The following SHISAL2A variants were observed in gnomAD, a reference collection of about 807,000 sequenced individuals.
SHISAL2A encodes the protein shisa like 2A, also known as protein shisa-like-2A.
A neutral mutation model predicts 11.5 loss-of-function variants in SHISAL2A; 18 were observed. The ratio of observed to expected loss-of-function variants is 1.57; its 90% CI spans 1.08 to 2.33. The LOEUF is 2.33. Ranked by LOEUF, SHISAL2A falls within the 30% of genes most tolerant of loss-of-function variation. The pLI is 0.00. For synonymous variants in SHISAL2A, 94 were observed against 99.6 expected (o/e 0.94, Z 0.34); for missense variants, 261 against 250.9 (o/e 1.04, Z -0.27).
intron 2 of SHISAL2A, among the ~76,000 whole-genome samples, chr1:52,645,177 A>C (rs901481989): frequency 1.3e-5 from 2 of 152,208 alleles, no homozygotes; most frequent in Non-Finnish European, 2.9e-5. Flanking sequence ...ATAAAAATAC[A>C]ACAAGCAACA....
intron 1 of SHISAL2A, among the ~76,000 whole-genome samples, chr1:52,637,818 C>T (rs523451): frequency 0.24 from 35,895 of 152,080 alleles, 7,092 homozygotes; most frequent in African/African-American, 0.51. Context: ...GTTAGATTGT[C>T]CCTCCAATTC....
At chr1:52,646,998 TTTTTTTTGTA>T (rs1426945571) in intron 2 of SHISAL2A, among the ~76,000 whole-genome samples, 1 of 151,864 alleles carries the variant, frequency 6.6e-6, no homozygotes, top group Non-Finnish European at 1.5e-5. Flanking sequence ...CCCAGCTAAT[TTTTTTTTGTA>T]TTTTTAGTAG....
intron 2 of SHISAL2A, 83 bp downstream of exon 2, chr1:52,643,085 G>A: frequency 7.1e-7 from 1 of 1,406,350 alleles, no homozygotes; most frequent in Non-Finnish European, 9.9e-7. Context: ...ATGATGTTTG[G>A]AACATTTGCC....
intron 2 of SHISAL2A, among the ~76,000 whole-genome samples, chr1:52,652,861 G>T (rs2149887960): frequency 6.7e-6 from 1 of 149,496 alleles, no homozygotes; most frequent in Non-Finnish European, 1.5e-5. Flanking sequence ...AGCTACTCGG[G>T]AGGCTGAGGC....
At chr1:52,654,002 G>T (rs569305554) in intron 2 of SHISAL2A, among the ~76,000 whole-genome samples, 3 of 152,294 alleles carry the variant, frequency 2.0e-5, no homozygotes, top group African/African-American at 7.2e-5. Flanking sequence ...TTGAGCCAAG[G>T]TCTTGTAACT....
At chr1:52,637,504 A>G (rs1691263383) in intron 1 of SHISAL2A, among the ~76,000 whole-genome samples, 1 of 152,160 alleles carries the variant, frequency 6.6e-6, no homozygotes, top group Admixed American at 6.5e-5. Context: ...GGAAGTGAAG[A>G]CACCCTGTGG....
chr1:52,656,893 G>A lies in SHISAL2A; in HGVS notation c.426G>A (p.Pro142=), dbSNP rs749422484. 9.9e-6 allele frequency: 16 copies of A among 1,614,052 alleles called. No homozygotes were observed. The highest frequency in any genetic ancestry group is 1.1e-5 in the Non-Finnish European group (13 of 1,180,042). The part of the protein sequence containing the change: ...PLQQSYSCLN[P]QLESNEGQAV... ...AGCAGAGTTACTCCTGCTTGAACCC[G>A]CAGCTGGAGAGCAATGAGGGGCAGG... Residue 142 remains proline, a synonymous_variant, in exon 3 of 3, where the codon CCG becomes CCA. Coordinates refer to ENST00000517870, the MANE Select transcript of SHISAL2A (RefSeq NM_001042693.3).
intron 2 of SHISAL2A, among the ~76,000 whole-genome samples, chr1:52,655,665 C>G (rs1195871740): frequency 6.6e-6 from 1 of 151,844 alleles, no homozygotes; most frequent in Non-Finnish European, 1.5e-5. Context: ...ATATAGGTGG[C>G]AAATAGGCAC....
rs369938276 is a variant in SHISAL2A at position 52,654,266 on chromosome 1, T to C, written c.323-2524T>C. Among the ~76,000 whole-genome samples the C allele has an allele frequency of 9.4e-3, 952 of 101,272 alleles. 12 individuals are homozygous for C. The highest frequency in any genetic ancestry group is 0.023 in the Middle Eastern group (4 of 176). 66.4% of individuals were successfully genotyped at this position (101,272 alleles called of 152,430 possible). On this transcript the variant is annotated intron_variant, in intron 2 of 2. Coordinates refer to ENST00000517870, the MANE Select transcript of SHISAL2A (RefSeq NM_001042693.3). ...ATAGATAGATAGATAGATAGACAGA[T>C]AGATAGATAGATAGATAAGCTAATT... is the stretch of plus-strand genomic sequence containing the variant.
intron 1 of SHISAL2A, among the ~76,000 whole-genome samples, chr1:52,637,469 T>C (rs1347819401): frequency 6.6e-6 from 1 of 152,210 alleles, no homozygotes; most frequent in Non-Finnish European, 1.5e-5. Flanking sequence ...TCAAGGAGAA[T>C]TGCTATCTTT....
chr1:52,645,857 T>C (rs1691489325), intron 2 of SHISAL2A, among the ~76,000 whole-genome samples: 1 of 152,250 alleles, frequency 6.6e-6, no homozygotes, highest in African/African-American at 2.4e-5. Flanking sequence ...TAAAAATGTT[T>C]CATGGAATTT....
chr1:52,639,480 G>C (rs568162412), intron 1 of SHISAL2A, among the ~76,000 whole-genome samples: 2 of 152,126 alleles, frequency 1.3e-5, no homozygotes, highest in Non-Finnish European at 2.9e-5. Flanking sequence ...TAGGCTGGGC[G>C]TGGTAGCTTA....
At chr1:52,634,065 G>T (rs564372363) in intron 1 of SHISAL2A, among the ~76,000 whole-genome samples, 1 of 151,834 alleles carries the variant, frequency 6.6e-6, no homozygotes, top group Non-Finnish European at 1.5e-5. Flanking sequence ...CCACCAAGGT[G>T]CCCTTCCTAA....
chr1:52,645,017 CAAA>C (rs752980005), intron 2 of SHISAL2A, among the ~76,000 whole-genome samples: 5 of 69,404 alleles, frequency 7.2e-5, no homozygotes, highest in Admixed American at 1.7e-4. Flanking sequence ...ACTCTGTCTC[CAAA>C]AAAAAAAAAA....
intron 1 of SHISAL2A, among the ~76,000 whole-genome samples, chr1:52,635,399 A>G (rs1691216828): frequency 6.7e-6 from 1 of 148,546 alleles, no homozygotes. Context: ...TGGTTTCTCA[A>G]GGAATGGTGG....
chr1:52,667,369 G>C, intron 4 of SHISAL2A: 1 of 982,974 alleles, frequency 1.0e-6, no homozygotes, highest in African/African-American at 1.7e-5. Flanking sequence ...GTCTTTCAAA[G>C]ATTTGTTCAC....
chr1:52,633,203 C>A lies in SHISAL2A; in HGVS notation c.-291C>A. On this transcript the variant is annotated 5_prime_UTR_variant, in exon 1 of 3. Coordinates refer to ENST00000517870, the MANE Select transcript of SHISAL2A (RefSeq NM_001042693.3). The surrounding 1 kb of genome is among the most constrained non-coding windows in gnomAD (Gnocchi z 6.4). ...GAGCACGCGGCTCCCGGCCCAGCTCCCCGCGTCCGCTCCGGCTCCTGCCGC... is the reference window on the plus strand; with the variant it reads ...GAGCACGCGGCTCCCGGCCCAGCTCACCGCGTCCGCTCCGGCTCCTGCCGC... The A allele has an allele frequency of 3.9e-6, 1 of 256,474 alleles. No individual in the cohort carries two copies. The allele number at this position is 256,474 out of a possible 1,614,324, so 15.9% of individuals were successfully genotyped here. A position where few individuals can be genotyped will look rare whatever the true frequency, so the allele number is the denominator to read the frequency against.
rs563013226 is a variant in SHISAL2A at position 52,656,025 on chromosome 1, G to A, written c.323-765G>A. 2.0e-5 allele frequency among the ~76,000 whole-genome samples: 3 copies of A among 152,274 alleles called. No individual in the cohort carries two copies. In the East Asian group the frequency reaches 5.8e-4, roughly 29 times the overall value. On this transcript the variant is annotated intron_variant, in intron 2 of 2. Transcript: ENST00000517870. ...GTGAAAGGGCCGAGGTAGAAGGTGT[G>A]AGAGATGACTCGAATTTTTGGCTTA...
chr1:52,635,512 G>T (rs1055593442), intron 1 of SHISAL2A, among the ~76,000 whole-genome samples: 1 of 152,094 alleles, frequency 6.6e-6, no homozygotes, highest in Non-Finnish European at 1.5e-5. Flanking sequence ...CTGGGTAGGG[G>T]AGCTCACAAG....
Sources: gnomAD v4.1 joint callset for allele counts (sites outside exome capture counted in the v4.1 genomes callset) on GRCh38, gnomAD v4.1.1 for gene constraint, Gnocchi (gnomAD v3.1) non-coding constraint, MANE v1.5 for transcripts, NCBI Gene and HGNC (gene_info 2026-07-23, HGNC 2026-07-21) for gene names.